The following KLF12 variants were observed in gnomAD, a reference collection of about 807,000 sequenced individuals.
KLF12 encodes Krueppel-like factor 12.
In KLF12, 9 loss-of-function variants were observed where a neutral mutation model predicts 37.8. The ratio of observed to expected loss-of-function variants is 0.24; its 90% CI spans 0.14 to 0.42. The LOEUF (loss-of-function observed/expected upper bound fraction) is 0.42, where lower values mean the gene tolerates loss of function less well. Ranked by LOEUF, KLF12 falls within the 10% of genes least tolerant of loss-of-function variation. The pLI is 1.00. For missense variants in KLF12, 411 were observed against 516.0 expected (o/e 0.80, Z 1.97); for synonymous variants, 208 against 202.1 (o/e 1.03, Z -0.25).
chr13:73,923,244 A>G (rs1369148424), intron 3 of KLF12, among the ~76,000 whole-genome samples: 1 of 152,206 alleles, frequency 6.6e-6, no homozygotes, highest in African/African-American at 2.4e-5. Context: ...TCATGATTCA[A>G]TGGTAATTGG....
intron 1 of KLF12, among the ~76,000 whole-genome samples, chr13:74,034,266 G>A (rs187143891): frequency 2.6e-5 from 4 of 151,788 alleles, no homozygotes; most frequent in South Asian, 2.1e-4. Context: ...ATGGGTTTTC[G>A]CCATGTTGGC....
At chr13:73,768,503 T>C (rs1215994482) in intron 5 of KLF12, among the ~76,000 whole-genome samples, 1 of 152,080 alleles carries the variant, frequency 6.6e-6, no homozygotes, top group Non-Finnish European at 1.5e-5. Context: ...GGCAGAATAA[T>C]ACAAACCAAA....
chr13:73,991,502 A>G (rs1444394561), intron 2 of KLF12, among the ~76,000 whole-genome samples: 1 of 152,258 alleles, frequency 6.6e-6, no homozygotes, highest in Non-Finnish European at 1.5e-5. Flanking sequence ...TTAGAACTTG[A>G]CAGTTTTAAA....
At chr13:73,957,015 A>AAAGGAAAGGAAAG (rs1890859237) in intron 2 of KLF12, among the ~76,000 whole-genome samples, 1 of 87,442 alleles carries the variant, frequency 1.1e-5, no homozygotes, top group Non-Finnish European at 2.1e-5. Flanking sequence ...GGAAAGGAAA[A>AAAGGAAAGGAAAG]GAAAGGAAAG....
chr13:74,017,054 G>A (rs1191000837), intron 1 of KLF12, among the ~76,000 whole-genome samples: 1 of 152,068 alleles, frequency 6.6e-6, no homozygotes, highest in Admixed American at 6.6e-5. Context: ...CGTCTATGGT[G>A]ATAGGAGACA....
At chr13:74,176,428 C>G in the KLF12 span, among the ~76,000 whole-genome samples, 1 of 152,134 alleles carries the variant, frequency 6.6e-6, no homozygotes, top group African/African-American at 2.4e-5. Flanking sequence ...TTGGCAAATG[C>G]GCAACATTCT....
intron 3 of KLF12, among the ~76,000 whole-genome samples, chr13:73,925,560 G>A (rs1889335572): frequency 1.3e-5 from 2 of 152,166 alleles, no homozygotes; most frequent in Non-Finnish European, 2.9e-5. Flanking sequence ...TGTACAAGGA[G>A]ATTAATATTA....
At chr13:74,147,570 C>T in the KLF12 span, among the ~76,000 whole-genome samples, 1 of 152,192 alleles carries the variant, frequency 6.6e-6, no homozygotes, top group Admixed American at 6.5e-5. Flanking sequence ...TTCCAAGGAA[C>T]ATGAGTTTCG....
At chr13:73,997,419 G>A (rs541997729) in intron 1 of KLF12, among the ~76,000 whole-genome samples, 42 of 152,152 alleles carry the variant, frequency 2.8e-4, no homozygotes, top group African/African-American at 9.6e-5. Flanking sequence ...AATGTCATAC[G>A]TGTAAGAATT....
chr13:73,953,500 A>AT (rs1890714827), intron 2 of KLF12, among the ~76,000 whole-genome samples: 1 of 152,234 alleles, frequency 6.6e-6, no homozygotes, highest in Non-Finnish European at 1.5e-5. Context: ...TCCCTTTATG[A>AT]AAAGTTGTTT....
the KLF12 span, among the ~76,000 whole-genome samples, chr13:74,221,830 C>G: frequency 2.0e-5 from 3 of 152,102 alleles, no homozygotes; most frequent in African/African-American, 4.8e-5. Flanking sequence ...AATTTCCTAC[C>G]AAAGTCTACT....
At chr13:73,930,732 G>C (rs892350068) in intron 3 of KLF12, among the ~76,000 whole-genome samples, 1 of 151,882 alleles carries the variant, frequency 6.6e-6, no homozygotes, top group Admixed American at 6.6e-5. Flanking sequence ...TCAATGTTTT[G>C]ATTTTACAGT....
the KLF12 span, among the ~76,000 whole-genome samples, chr13:74,281,096 C>T: frequency 6.6e-6 from 1 of 152,020 alleles, no homozygotes; most frequent in Non-Finnish European, 1.5e-5. Flanking sequence ...TATTTTTCTG[C>T]ACATTTTTCT....
the KLF12 span, among the ~76,000 whole-genome samples, chr13:74,162,021 CAGAT>C: frequency 6.6e-6 from 1 of 152,154 alleles, no homozygotes; most frequent in Non-Finnish European, 1.5e-5. Context: ...TTTAGACTAT[CAGAT>C]AGAGTTCATT....
chr13:73,878,212 T>A (rs1886809211), intron 3 of KLF12, among the ~76,000 whole-genome samples: 3 of 152,148 alleles, frequency 2.0e-5, no homozygotes, highest in Non-Finnish European at 4.4e-5. Flanking sequence ...AAAGTAAATT[T>A]AATTAAATTA....
intron 6 of KLF12, among the ~76,000 whole-genome samples, chr13:73,762,068 T>C (rs1416305959): frequency 6.6e-6 from 1 of 152,174 alleles, no homozygotes; most frequent in African/African-American, 2.4e-5. Flanking sequence ...TGATCTGGTA[T>C]TTGTTATTGG....
chr13:74,233,482 C>T, the KLF12 span, among the ~76,000 whole-genome samples: 1 of 152,188 alleles, frequency 6.6e-6, no homozygotes, highest in Non-Finnish European at 1.5e-5. Flanking sequence ...GTTACCAGTT[C>T]TTCCAGAAGC....
intron 5 of KLF12, among the ~76,000 whole-genome samples, chr13:73,778,324 T>G (rs1234228350): frequency 6.6e-6 from 1 of 152,168 alleles, no homozygotes; most frequent in East Asian, 1.9e-4. Context: ...AGAGCTTCCA[T>G]GAACTTTGTA....
At chr13:74,210,322 A>T in the KLF12 span, among the ~76,000 whole-genome samples, 155 of 152,192 alleles carry the variant, frequency 1.0e-3, no homozygotes, top group African/African-American at 3.4e-3. Context: ...AAATTTTAAA[A>T]TTTTTTCATC....
Sources: gnomAD v4.1 joint callset for allele counts (sites outside exome capture counted in the v4.1 genomes callset) on GRCh38, gnomAD v4.1.1 for gene constraint, MANE v1.5 for transcripts, NCBI Gene and HGNC (gene_info 2026-07-23, HGNC 2026-07-21) for gene names.